BBOX1: variants seen among roughly 807,000 people sequenced by gnomAD.
BBOX1 encodes gamma-butyrobetaine dioxygenase.
BBOX1 carries 35 observed loss-of-function variants against 41.6 expected under a neutral mutation model. That is an observed-to-expected ratio of 0.84 (90% CI 0.64 to 1.11). BBOX1 has a LOEUF of 1.11. Among genes scored for constraint, BBOX1 ranks in the 50% most tolerant of loss-of-function variants. The pLI is 0.00. For synonymous variants in BBOX1, 163 were observed against 154.7 expected (o/e 1.05, Z -0.40); for missense variants, 458 against 460.6 (o/e 0.99, Z 0.05).
intron 4 of BBOX1, among the ~76,000 whole-genome samples, chr11:27,084,116 C>G (rs910503027): frequency 1.3e-5 from 2 of 152,068 alleles, no homozygotes; most frequent in African/African-American, 4.8e-5. Flanking sequence ...AGGAGCAGCT[C>G]TCAACCAAAA....
chr11:27,067,730 C>T (rs1857333937), intron 4 of BBOX1, among the ~76,000 whole-genome samples: 1 of 151,912 alleles, frequency 6.6e-6, no homozygotes, highest in Admixed American at 6.6e-5. Context: ...CACTGCACTC[C>T]AGCCTGTACG....
intron 6 of BBOX1, among the ~76,000 whole-genome samples, chr11:27,116,691 C>G (rs1033293677): frequency 1.3e-5 from 2 of 151,826 alleles, no homozygotes; most frequent in African/African-American, 2.4e-5. Flanking sequence ...AGTAGGCTAG[C>G]CCAAGTTTAA....
rs545442735 is a variant in BBOX1 at position 27,075,129 on chromosome 11, T to C, written c.334+17814T>C. 6.0e-4 allele frequency among the ~76,000 whole-genome samples: 92 copies of C among 152,354 alleles called. 1 individual carries two copies. Among genetic ancestry groups the C allele is most frequent in the African/African-American group, 2.1e-3 (89 of 41,602 alleles). ...TTAATTATTGTTGACTTCTTTTTAT[T>C]TGACTGTTTTATTTCTTTTTTCCCC... On this transcript the variant is annotated intron_variant, in intron 4 of 8. Transcript: ENST00000263182.
At chr11:27,085,567 C>A (rs899435610) in intron 4 of BBOX1, among the ~76,000 whole-genome samples, 39 of 151,650 alleles carry the variant, frequency 2.6e-4, no homozygotes, top group African/African-American at 8.7e-4. Context: ...CTCTCTCTCT[C>A]TCTCTCTCTC....
chr11:27,087,594 G>A (rs553044165), intron 4 of BBOX1, among the ~76,000 whole-genome samples: 1 of 151,940 alleles, frequency 6.6e-6, no homozygotes, highest in Non-Finnish European at 1.5e-5. Flanking sequence ...ACTTTGTTGT[G>A]GCAGTCTGGA....
At chr11:27,043,579 G>A (rs1386912718) in intron 2 of BBOX1, among the ~76,000 whole-genome samples, 1 of 151,880 alleles carries the variant, frequency 6.6e-6, no homozygotes, top group Admixed American at 6.6e-5. Flanking sequence ...TTCTCCTAAT[G>A]GTATCCCTCC....
At chr11:27,047,180 A>G (rs1590161563) in intron 2 of BBOX1, 1 of 152,156 alleles carries the variant, frequency 6.6e-6, no homozygotes, top group African/African-American at 2.4e-5. Flanking sequence ...GCACCCTCCA[A>G]TCAGACACTA....
At chr11:27,089,532 C>A (rs1165066467) in intron 4 of BBOX1, among the ~76,000 whole-genome samples, 1 of 151,976 alleles carries the variant, frequency 6.6e-6, no homozygotes, top group South Asian at 2.1e-4. Flanking sequence ...ATAGAAAATA[C>A]ATTTTTGGAC....
intron 2 of BBOX1, among the ~76,000 whole-genome samples, chr11:27,042,810 T>C (rs1225349034): frequency 6.6e-6 from 1 of 152,050 alleles, no homozygotes; most frequent in East Asian, 1.9e-4. Flanking sequence ...TTGAGTAGAG[T>C]ATGTATGTAC....
In BBOX1 at chr11:27,119,710, G is replaced by A. The variant is rs866340795; in HGVS notation, c.701G>A (p.Gly234Glu). Residue 234 changes from glycine to glutamate, a missense_variant, in exon 7 of 9, where the codon GGG becomes GAG. By Grantham distance (98) the Gly-to-Glu change is moderately conservative. Coordinates refer to ENST00000263182, the MANE Select transcript of BBOX1 (RefSeq NM_003986.3). ...GGGGGTGATTCAGAAATTGTAGATG[G>A]GTTTAATGTGTGCCAAAAACTAAAG... ...VTGGDSEIVD[G>E]FNVCQKLKKN... 6.2e-7 allele frequency: 1 copy of A among 1,602,916 alleles called. No individual in the cohort carries two copies. The highest frequency in any genetic ancestry group is 1.3e-5 in the African/African-American group (1 of 74,430).
chr11:27,080,787 A>T (rs1027039347), intron 4 of BBOX1, among the ~76,000 whole-genome samples: 2 of 152,138 alleles, frequency 1.3e-5, no homozygotes, highest in East Asian at 3.9e-4. Flanking sequence ...GATAGAAAAC[A>T]TAAGAAACAG....
Position 27,057,063 on chromosome 11 carries a change from T to TAAAAAAAAAAAAAAAAA in BBOX1, c.220-138_220-137insAAAAAAAAAAAAAAAAA, listed in dbSNP as rs1459422645. 1.8e-3 allele frequency: 273 copies of TAAAAAAAAAAAAAAAAA among 149,600 alleles called. 78 individuals are homozygous for TAAAAAAAAAAAAAAAAA. The highest frequency in any genetic ancestry group is 5.2e-3 in the African/African-American group (82 of 15,854). 9.3% of individuals were successfully genotyped at this position (149,600 alleles called of 1,614,324 possible). A position where few individuals can be genotyped will look rare whatever the true frequency, so the allele number is the denominator to read the frequency against. On this transcript the variant is annotated intron_variant, in intron 3 of 8. Transcript: ENST00000263182. ...CCTGGCAACAGAGGAAGACTCCGAC[T>TAAAAAAAAAAAAAAAAA]TAAAAAAAAAAAAAAAAAAAAATTA...
intron 2 of BBOX1, among the ~76,000 whole-genome samples, chr11:27,047,655 A>T (rs965925974): frequency 5.3e-5 from 8 of 152,150 alleles, no homozygotes; most frequent in African/African-American, 1.9e-4. Context: ...ATAAATAAGA[A>T]TAATTTTTAA....
At chr11:27,116,326 G>T (rs1366055908) in intron 6 of BBOX1, among the ~76,000 whole-genome samples, 1 of 151,590 alleles carries the variant, frequency 6.6e-6, no homozygotes. Flanking sequence ...TGTTGGGGGG[G>T]TTGGGAGGAT....
intron 5 of BBOX1, among the ~76,000 whole-genome samples, chr11:27,107,442 T>G (rs1232793660): frequency 3.9e-5 from 6 of 152,096 alleles, no homozygotes; most frequent in Non-Finnish European, 7.4e-5. Context: ...CAGGATAATT[T>G]GCAGAGTTTC....
intron 4 of BBOX1, among the ~76,000 whole-genome samples, chr11:27,076,071 G>A (rs936082653): frequency 1.3e-5 from 2 of 152,170 alleles, no homozygotes; most frequent in African/African-American, 4.8e-5. Context: ...TCTTAATGTG[G>A]TACATTCACT....
At chr11:27,108,495 T>C (rs909222972) in intron 5 of BBOX1, among the ~76,000 whole-genome samples, 10 of 152,166 alleles carry the variant, frequency 6.6e-5, no homozygotes, top group Admixed American at 1.3e-4. Context: ...TTGATTATTT[T>C]TCAAATGCCA....
At chr11:27,074,530 C>A (rs1436813333) in intron 4 of BBOX1, among the ~76,000 whole-genome samples, 1 of 152,072 alleles carries the variant, frequency 6.6e-6, no homozygotes, top group Admixed American at 6.6e-5. Context: ...TTACTGGGAA[C>A]TGGAGTAAAG....
At chr11:27,098,558 T>C (rs1356163856) in intron 5 of BBOX1, among the ~76,000 whole-genome samples, 1 of 152,124 alleles carries the variant, frequency 6.6e-6, no homozygotes, top group South Asian at 2.1e-4. Flanking sequence ...CTACTGTTTT[T>C]TATGCTGGAC....
Sources: gnomAD v4.1 joint callset for allele counts (sites outside exome capture counted in the v4.1 genomes callset) on GRCh38, gnomAD v4.1.1 for gene constraint, MANE v1.5 for transcripts, NCBI Gene and HGNC (gene_info 2026-07-23, HGNC 2026-07-21) for gene names.